Variants in MSRB3 observed in about 807,000 individuals in gnomAD.
MSRB3 encodes the protein methionine sulfoxide reductase B3.
MSRB3 carries 13 observed loss-of-function variants against 21.0 expected under a neutral mutation model. That is an observed-to-expected ratio of 0.62 (90% CI 0.40 to 0.98). MSRB3 has a LOEUF of 0.98. MSRB3 is among the 50% of genes least tolerant of loss of function. MSRB3 has a pLI of 0.00. For missense variants in MSRB3, 199 were observed against 230.3 expected (o/e 0.86, Z 0.88); for synonymous variants, 87 against 88.6 (o/e 0.98, Z 0.10).
intron 4 of MSRB3, among the ~76,000 whole-genome samples, chr12:65,356,984 G>A (rs1178621812): frequency 2.0e-5 from 3 of 151,822 alleles, no homozygotes; most frequent in African/African-American, 7.3e-5. Context: ...CTAATATCCT[G>A]TGTCGGACCA....
chr12:65,440,384 GTAAT>G (rs563253824), intron 5 of MSRB3, among the ~76,000 whole-genome samples: 1 of 151,898 alleles, frequency 6.6e-6, no homozygotes, highest in African/African-American at 2.4e-5. Context: ...GCAGATGTTA[GTAAT>G]TAATATCTGT....
chr12:65,336,963 G>T (rs543414324), intron 4 of MSRB3, among the ~76,000 whole-genome samples: 32 of 152,330 alleles, frequency 2.1e-4, no homozygotes, highest in Non-Finnish European at 4.0e-4. Context: ...TTTAGCAGAG[G>T]CTGGGCGCGG....
At chr12:65,308,760 T>C (rs1873806556) in intron 2 of MSRB3, 105 bp downstream of exon 2, 3 of 1,520,002 alleles carry the variant, frequency 2.0e-6, no homozygotes, top group South Asian at 1.1e-5. Flanking sequence ...CATTTTCTTT[T>C]ACTTGGGCCC....
chr12:65,423,809 T>A (rs1445510414), intron 5 of MSRB3, among the ~76,000 whole-genome samples: 1 of 152,190 alleles, frequency 6.6e-6, no homozygotes, highest in Non-Finnish European at 1.5e-5. Flanking sequence ...TTTCTTGTAA[T>A]GTCTTGTCTG....
intron 5 of MSRB3, 60 bp from the exon 6 acceptor site, chr12:65,453,668 C>A: frequency 7.9e-7 from 1 of 1,264,952 alleles, no homozygotes; most frequent in Non-Finnish European, 1.2e-6. Context: ...AAAATGCATT[C>A]TAACCCAAGG....
intron 1 of MSRB3, among the ~76,000 whole-genome samples, chr12:65,295,555 C>CA (rs1555199898): frequency 6.8e-6 from 1 of 147,132 alleles, no homozygotes; most frequent in East Asian, 2.0e-4. Context: ...TGATGTCTCC[C>CA]TTTTTTTTTT....
chr12:65,307,334 T>TTTAGTTTGGGGAAG (rs1308334676), intron 1 of MSRB3, among the ~76,000 whole-genome samples: 1 of 152,098 alleles, frequency 6.6e-6, no homozygotes, highest in Admixed American at 6.6e-5. Flanking sequence ...GAAGTCAGAG[T>TTTAGTTTGGGGAAG]TCAGGCATGT....
At chr12:65,445,721 C>T (rs1001590430) in intron 5 of MSRB3, among the ~76,000 whole-genome samples, 1 of 150,938 alleles carries the variant, frequency 6.6e-6, no homozygotes, top group Non-Finnish European at 1.5e-5. Flanking sequence ...TCTTGGCTCA[C>T]TGCAACTGCC....
At chr12:65,385,335 C>T (rs1212360835) in intron 5 of MSRB3, among the ~76,000 whole-genome samples, 1 of 151,954 alleles carries the variant, frequency 6.6e-6, no homozygotes, top group East Asian at 1.9e-4. Context: ...CAATGCCACC[C>T]GACATTGTTA....
intron 2 of MSRB3, among the ~76,000 whole-genome samples, chr12:65,319,488 T>C (rs181280557): frequency 6.6e-6 from 1 of 152,318 alleles, no homozygotes; most frequent in Admixed American, 6.5e-5. Flanking sequence ...AATTTTAAAG[T>C]GTTAACATCC....
chr12:65,348,111 G>C (rs1012770399), intron 4 of MSRB3, among the ~76,000 whole-genome samples: 7 of 152,174 alleles, frequency 4.6e-5, no homozygotes, highest in Non-Finnish European at 7.3e-5. Context: ...AAATGAGTTA[G>C]GGAGGATTCC....
At chr12:65,279,048 CGG>C in intron 1 of MSRB3, 183 bp downstream of exon 1, 1 of 1,423,898 alleles carries the variant, frequency 7.0e-7, no homozygotes, top group Non-Finnish European at 9.1e-7. Flanking sequence ...CCCGCGCCAG[CGG>C]TGAGGGGCCG....
At chr12:65,329,643 G>A (rs560707280) in intron 4 of MSRB3, among the ~76,000 whole-genome samples, 21 of 143,306 alleles carry the variant, frequency 1.5e-4, no homozygotes, top group African/African-American at 5.1e-4. Context: ...GTAAGATTCC[G>A]TCTCAAAAAA....
intron 5 of MSRB3, among the ~76,000 whole-genome samples, chr12:65,371,566 A>G (rs1460782951): frequency 1.8e-5 from 2 of 110,858 alleles, no homozygotes; most frequent in Non-Finnish European, 3.7e-5. Context: ...TTTCAAAGTT[A>G]AATTTTATGT....
chr12:65,462,107 C>T (rs542663664), intron 6 of MSRB3, among the ~76,000 whole-genome samples: 1 of 152,208 alleles, frequency 6.6e-6, no homozygotes, highest in Non-Finnish European at 1.5e-5. Flanking sequence ...ATATAGCAGG[C>T]ACTCCATTAA....
At chr12:65,404,253 T>C (rs1364494141) in intron 5 of MSRB3, among the ~76,000 whole-genome samples, 1 of 152,230 alleles carries the variant, frequency 6.6e-6, no homozygotes, top group Non-Finnish European at 1.5e-5. Context: ...TTAACTTTTT[T>C]AGTGGTTGCC....
In MSRB3 at chr12:65,400,512, T is replaced by C. The variant is rs962265882; in HGVS notation, c.292+31486T>C. The stretch of plus-strand genomic sequence containing the variant: ...GATTCTTCTCCCTTTTCTTCTTTAT[T>C]AATCAGGCTAGTGGTCTATCTATTT... On this transcript the variant is annotated intron_variant, in intron 5 of 6. Transcript: ENST00000308259. Among the ~76,000 whole-genome samples the C allele has an allele frequency of 5.3e-5, 8 of 152,162 alleles. No homozygotes were observed. In the East Asian group the frequency reaches 1.2e-3, roughly 22 times the overall value.
chr12:65,294,935 C>T (rs934659151), intron 1 of MSRB3, among the ~76,000 whole-genome samples: 1 of 152,110 alleles, frequency 6.6e-6, no homozygotes, highest in Non-Finnish European at 1.5e-5. Context: ...GATCCTCCCA[C>T]CACAGTCTCC....
chr12:65,435,932 G>A (rs1882095237), intron 5 of MSRB3, among the ~76,000 whole-genome samples: 1 of 151,840 alleles, frequency 6.6e-6, no homozygotes, highest in Non-Finnish European at 1.5e-5. Flanking sequence ...CAATTAAACT[G>A]TATCTTCCAT....
Sources: allele counts gnomAD v4.1 joint callset (sites outside exome capture counted in the v4.1 genomes callset), GRCh38; gene constraint gnomAD v4.1.1; transcripts MANE v1.5; gene names NCBI Gene and HGNC (gene_info 2026-07-23, HGNC 2026-07-21).